Variants in LMNB2 observed in about 807,000 individuals in gnomAD.
LMNB2 encodes the protein lamin-B2.
Under a neutral mutation model 69.3 loss-of-function variants are expected in LMNB2, and 17 were observed. The ratio of observed to expected loss-of-function variants is 0.25; its 90% CI spans 0.17 to 0.37. LMNB2 has a LOEUF of 0.37. Among genes scored for constraint, LMNB2 ranks in the 10% least tolerant of loss-of-function variants. The pLI is 1.00. For synonymous variants in LMNB2, 397 were observed against 389.3 expected (o/e 1.02, Z -0.23); for missense variants, 789 against 883.6 (o/e 0.89, Z 1.36).
chr19:2,454,735 A>C (rs1411840539), intron 1 of LMNB2, among the ~76,000 whole-genome samples: 1 of 152,112 alleles, frequency 6.6e-6, no homozygotes, highest in African/African-American at 2.4e-5. Context: ...CCAGGACCCC[A>C]ACCCATGGCA....
At chr19:2,439,402 G>T (rs760647324) in intron 2 of LMNB2, among the ~76,000 whole-genome samples, 8 of 151,998 alleles carry the variant, frequency 5.3e-5, no homozygotes, top group Non-Finnish European at 8.8e-5. Context: ...GGACATCCAG[G>T]GTTCCGCAGC....
intron 1 of LMNB2, among the ~76,000 whole-genome samples, chr19:2,452,836 C>T (rs1972040549): frequency 6.6e-6 from 1 of 152,154 alleles, no homozygotes; most frequent in South Asian, 2.1e-4. Flanking sequence ...CCTCACGCCT[C>T]CCAGCAGGCT....
rs1231456579 is a variant in LMNB2, at chr19:2,453,378, C to T, written c.264+3292G>A. On this transcript the variant is annotated intron_variant, in intron 1 of 11. Coordinates refer to ENST00000325327, the MANE Select transcript of LMNB2 (RefSeq NM_032737.4). This position sits in a 1 kb window ranked among gnomAD's most constrained non-coding sequence, Gnocchi z 4.4. ...CTGAGCCTGAGGCTGCTCTCTGAAC[C>T]CCACGTGGCCCACCTGTGTCTAGAA... 2.0e-5 allele frequency among the ~76,000 whole-genome samples: 3 copies of T among 151,898 alleles called. No individual in the cohort carries two copies. The highest frequency in any genetic ancestry group is 7.3e-5 in the African/African-American group (3 of 41,332).
chr19:2,431,493 G>A, intron 11 of LMNB2, 55 bp downstream of exon 11: 2 of 1,611,120 alleles, frequency 1.2e-6, no homozygotes, highest in Non-Finnish European at 1.7e-6. Context: ...GTGTGCACGA[G>A]CTCACTCTGC....
At chr19:2,435,206 C>G (rs1336591362) in intron 4 of LMNB2, 35 bp from the exon 5 acceptor site, 53 of 1,596,330 alleles carry the variant, frequency 3.3e-5, no homozygotes, top group Non-Finnish European at 4.3e-5. Flanking sequence ...TCTGGTCCCG[C>G]CTGGGCCCCA....
intron 1 of LMNB2, among the ~76,000 whole-genome samples, chr19:2,450,750 G>T (rs1338245527): frequency 6.6e-6 from 1 of 151,942 alleles, no homozygotes; most frequent in Admixed American, 6.6e-5. Flanking sequence ...CGATTCTCCT[G>T]CCTCCCAAGT....
intron 1 of LMNB2, among the ~76,000 whole-genome samples, chr19:2,454,228 G>T (rs1301421056): frequency 1.3e-5 from 2 of 151,208 alleles, no homozygotes; most frequent in African/African-American, 4.9e-5. Context: ...GGGAGGCAGA[G>T]GGTGCGGGGA....
rs1471328098 is a variant in LMNB2, at chr19:2,447,867, C to G, written c.265-3327G>C. ...CGCATGCTGGGCCATCTGGACAAGTCAGAGTCTCAGGCTGCCCCAGCACCG... is the reference window on the plus strand; with the variant it reads ...CGCATGCTGGGCCATCTGGACAAGTGAGAGTCTCAGGCTGCCCCAGCACCG... On this transcript the variant is annotated intron_variant, in intron 1 of 11. Coordinates refer to ENST00000325327, the MANE Select transcript of LMNB2 (RefSeq NM_032737.4). This position sits in a 1 kb window ranked among gnomAD's most constrained non-coding sequence, Gnocchi z 4.4. Among the ~76,000 whole-genome samples the G allele has an allele frequency of 6.6e-6, 1 of 152,212 alleles. No individual in the cohort carries two copies. Among genetic ancestry groups the G allele is most frequent in the African/African-American group, 2.4e-5 (1 of 41,444 alleles).
At chr19:2,445,498 CT>C (rs1241271888) in intron 1 of LMNB2, among the ~76,000 whole-genome samples, 2 of 151,996 alleles carry the variant, frequency 1.3e-5, no homozygotes, top group Admixed American at 1.3e-4. Flanking sequence ...TCACAGAGAT[CT>C]GCAGTCAGAG....
intron 2 of LMNB2, among the ~76,000 whole-genome samples, chr19:2,441,154 G>A (rs151338747): frequency 1.1e-4 from 16 of 152,358 alleles, no homozygotes; most frequent in Non-Finnish European, 1.3e-4. Context: ...CAGGTCTCTC[G>A]TGTGAGGGGT....
chr19:2,440,224 C>G (rs1214904956), intron 2 of LMNB2, among the ~76,000 whole-genome samples: 8 of 146,282 alleles, frequency 5.5e-5, no homozygotes, highest in African/African-American at 1.3e-4. Flanking sequence ...GAGTTTCGCT[C>G]TTGTTGCCCA....
Position 2,431,674 on chromosome 19 carries a change from C to T in LMNB2, c.1711-16G>A. ...TGGCCACTTCCTGTGCGGGACAGGACACGGCGGCATGTCCCGGGATCGGGC... is the reference window on the plus strand; with the variant it reads ...TGGCCACTTCCTGTGCGGGACAGGATACGGCGGCATGTCCCGGGATCGGGC... On this transcript the variant is annotated splice_polypyrimidine_tract_variant and intron_variant, in intron 10 of 11. Coordinates refer to ENST00000325327, the MANE Select transcript of LMNB2 (RefSeq NM_032737.4). The T allele has an allele frequency of 6.2e-7, 1 of 1,614,102 alleles. No homozygotes were observed. Among genetic ancestry groups the T allele is most frequent in the Non-Finnish European group, 8.5e-7 (1 of 1,180,004 alleles).
In LMNB2 at chr19:2,430,627, C is replaced by A. The variant is rs1971727838; in HGVS notation, c.*284G>T. On this transcript the variant is annotated 3_prime_UTR_variant, in exon 12 of 12. Coordinates refer to ENST00000325327, the MANE Select transcript of LMNB2 (RefSeq NM_032737.4). ...CCCTCCTCCCTCCAAGCCCAAGCAT[C>A]TTCTAAACCTCCGGGTCCTGGCCCT... 2 of 522,716 alleles carry A rather than the reference C, an allele frequency of 3.8e-6. No individual in the cohort carries two copies. The highest frequency in any genetic ancestry group is 3.0e-5 in the Admixed American group (1 of 33,340). The allele number at this position is 522,716 out of a possible 1,614,324, so 32.4% of individuals were successfully genotyped here. A position where few individuals can be genotyped will look rare whatever the true frequency, so the allele number is the denominator to read the frequency against.
In LMNB2 at chr19:2,447,205, C is replaced by T. The variant is rs546483669; in HGVS notation, c.265-2665G>A. Among the ~76,000 whole-genome samples the T allele has an allele frequency of 1.3e-5, 2 of 151,914 alleles. No individual in the cohort carries two copies. Among genetic ancestry groups the T allele is most frequent in the African/African-American group, 2.4e-5 (1 of 41,330 alleles). On this transcript the variant is annotated intron_variant, in intron 1 of 11. Transcript: ENST00000325327. The surrounding 1 kb of genome is among the most constrained non-coding windows in gnomAD (Gnocchi z 4.4). Reference sequence around the variant, plus strand: ...AATAAATAAAAAAATAAAAGCAATGCGGTCCCTCCACCATCCACACACAGG... The same window carrying T: ...AATAAATAAAAAAATAAAAGCAATGTGGTCCCTCCACCATCCACACACAGG...
intron 9 of LMNB2, among the ~76,000 whole-genome samples, chr19:2,432,171 C>T (rs530121085): frequency 5.9e-5 from 9 of 152,236 alleles, no homozygotes; most frequent in Admixed American, 5.9e-4. Context: ...GTTAACACTT[C>T]ACGGGGACGC....
intron 2 of LMNB2, among the ~76,000 whole-genome samples, chr19:2,440,062 A>C (rs1223222196): frequency 6.6e-6 from 1 of 152,006 alleles, no homozygotes; most frequent in Non-Finnish European, 1.5e-5. Context: ...CCACCTAGGC[A>C]TTTGCCCAAG....
intron 4 of LMNB2, chr19:2,436,707 A>ACCTCCACGGCCGCCCTCTCG (rs1971829469): frequency 1.2e-5 from 1 of 83,760 alleles, no homozygotes; most frequent in East Asian, 3.9e-4. Flanking sequence ...CCGCGCACCC[A>ACCTCCACGGCCGCCCTCTCG]CCTCCACGGC....
intron 1 of LMNB2, among the ~76,000 whole-genome samples, chr19:2,448,856 A>G (rs1384078606): frequency 6.6e-6 from 1 of 152,180 alleles, no homozygotes; most frequent in East Asian, 1.9e-4. Flanking sequence ...AAAAATAAAA[A>G]GAAAAAGAAT....
intron 6 of LMNB2, 36 bp from the exon 7 acceptor site, chr19:2,434,551 C>T (rs1388491610): frequency 6.2e-7 from 1 of 1,600,338 alleles, no homozygotes; most frequent in Admixed American, 1.7e-5. Context: ...TCAGGGCAGC[C>T]CATGGGTCAC....
Sources: allele counts gnomAD v4.1 joint callset (sites outside exome capture counted in the v4.1 genomes callset), GRCh38; gene constraint gnomAD v4.1.1; non-coding constraint Gnocchi (gnomAD v3.1); transcripts MANE v1.5; gene names NCBI Gene and HGNC (gene_info 2026-07-23, HGNC 2026-07-21).